The following ACTR8 variants were observed in gnomAD, a reference collection of about 807,000 sequenced individuals.
ACTR8 encodes the protein actin-related protein 8.
ACTR8 carries 70 observed loss-of-function variants against 84.3 expected under a neutral mutation model. That is an observed-to-expected ratio of 0.83 (90% CI 0.68 to 1.01). The LOEUF is 1.01. Ranked by LOEUF, ACTR8 falls within the 50% of genes least tolerant of loss-of-function variation. The pLI, the probability that ACTR8 is intolerant of heterozygous loss-of-function variation, is 0.00. For missense variants in ACTR8, 672 were observed against 775.4 expected (o/e 0.87, Z 1.58); for synonymous variants, 268 against 275.2 (o/e 0.97, Z 0.26).
In ACTR8 at chr3:53,875,946, A is replaced by G; in HGVS notation, c.911+2T>C. ...GGGAATGCCACCTTCCAAGTTCCTT[A>G]CCGAGTATTCCGATGAGACACCCCA... On this transcript the variant is annotated splice_donor_variant, in intron 7 of 12. Transcript: ENST00000335754. LOFTEE classifies it high-confidence loss of function. The G allele has an allele frequency of 6.2e-7, 1 of 1,614,216 alleles. No individual in the cohort carries two copies. Among genetic ancestry groups the G allele is most frequent in the Non-Finnish European group, 8.5e-7 (1 of 1,180,038 alleles).
rs988197029 is a variant in ACTR8 at position 53,878,215 on chromosome 3, T to A, written c.405+142A>T. 50 of 704,852 alleles carry A rather than the reference T, an allele frequency of 7.1e-5. 1 individual carries two copies. The highest frequency in any genetic ancestry group is 1.1e-4 in the Non-Finnish European group (44 of 413,494). 43.7% of individuals were successfully genotyped at this position (704,852 alleles called of 1,614,324 possible). On this transcript the variant is annotated intron_variant, in intron 3 of 12. Transcript: ENST00000335754. Reference sequence around the variant, plus strand: ...GCATTTGTAACACTGACTCGGGTATTCTTTAAGTGGTTATGAGGGGTTTTC... The same window carrying A: ...GCATTTGTAACACTGACTCGGGTATACTTTAAGTGGTTATGAGGGGTTTTC...
At chr3:53,873,736 G>C (rs781225900) in intron 8 of ACTR8, among the ~76,000 whole-genome samples, 3 of 152,136 alleles carry the variant, frequency 2.0e-5, no homozygotes, top group Non-Finnish European at 4.4e-5. Flanking sequence ...TCGGACTTTA[G>C]CAAAAAACTC....
downstream of ACTR8, among the ~76,000 whole-genome samples, chr3:53,862,146 A>T (rs563357246): frequency 6.6e-6 from 1 of 152,286 alleles, no homozygotes; most frequent in South Asian, 2.1e-4. Flanking sequence ...ACTGCCTTTT[A>T]AAGTTCTTTT....
chr3:53,865,198 C>T (rs771621947), downstream of ACTR8: 16 of 1,614,054 alleles, frequency 9.9e-6, no homozygotes, highest in Non-Finnish European at 1.2e-5. Context: ...CCCCAAGTAC[C>T]ACCTCATGAA....
Position 53,873,061 on chromosome 3 carries a change from G to A in ACTR8, c.1132C>T (p.Gln378Ter). ...RHPDSPALLY[Q>*]FRLGDEKLQA... ...AGTTTTTCATCTCCTAATCGAAACTGGTAAAGCAGGGCAGGAGAATCAGGA... is the reference window on the plus strand; with the variant it reads ...AGTTTTTCATCTCCTAATCGAAACTAGTAAAGCAGGGCAGGAGAATCAGGA... The change falls in exon 9 of 13, where the codon CAG (glutamine) becomes TAG (stop). Residue 378 changes from glutamine to a stop codon, truncating the protein, a stop_gained. Transcript: ENST00000335754. LOFTEE classifies it high-confidence loss of function. The A allele has an allele frequency of 6.2e-7, 1 of 1,611,464 alleles. No individual in the cohort carries two copies. The highest frequency in any genetic ancestry group is 8.5e-7 in the Non-Finnish European group (1 of 1,178,418).
the ACTR8 span, chr3:53,860,188 A>G: frequency 1.3e-5 from 21 of 1,613,866 alleles, no homozygotes; most frequent in Non-Finnish European, 1.6e-5. Flanking sequence ...TGGTGGCCAC[A>G]TGGGTGCTGG....
intron 1 of ACTR8, among the ~76,000 whole-genome samples, chr3:53,880,947 G>C (rs1700048641): frequency 6.6e-6 from 1 of 152,176 alleles, no homozygotes; most frequent in Admixed American, 6.5e-5. Context: ...TCCATGCCAT[G>C]CTCTGATACC....
intron 10 of ACTR8, 29 bp downstream of exon 10, chr3:53,872,355 T>C (rs946965278): frequency 6.5e-7 from 1 of 1,532,160 alleles, no homozygotes; most frequent in Non-Finnish European, 8.8e-7. Flanking sequence ...GACAAAACTC[T>C]CTCTTCTCCT....
At chr3:53,869,505 A>G (rs1023753454) in intron 12 of ACTR8, among the ~76,000 whole-genome samples, 1 of 152,260 alleles carries the variant, frequency 6.6e-6, no homozygotes, top group African/African-American at 2.4e-5. Flanking sequence ...AAAAAGAAAT[A>G]GGAACATTTC....
intron 4 of ACTR8, 40 bp downstream of exon 4, chr3:53,877,607 G>C (rs775000586): frequency 6.3e-7 from 1 of 1,577,570 alleles, no homozygotes; most frequent in East Asian, 2.2e-5. Context: ...AGGAGGATCA[G>C]CTTCCCCTTC....
intron 8 of ACTR8, 83 bp downstream of exon 8, chr3:53,874,128 C>T: frequency 6.9e-7 from 1 of 1,457,102 alleles, no homozygotes; most frequent in Non-Finnish European, 9.2e-7. Context: ...CCAGCCAATG[C>T]TGTTACATTT....
chr3:53,866,461 A>G (rs116804806), downstream of ACTR8, among the ~76,000 whole-genome samples: 1,546 of 152,296 alleles, frequency 0.01, 19 homozygotes, highest in African/African-American at 0.034. Flanking sequence ...TTACTCTTCT[A>G]AAAGCATCTT....
chr3:53,881,217 G>A (rs550247252), intron 1 of ACTR8, among the ~76,000 whole-genome samples: 2 of 152,330 alleles, frequency 1.3e-5, no homozygotes, highest in Admixed American at 1.3e-4. Context: ...TACCGGTAAG[G>A]AAGCTGGATC....
rs1486632787 is a variant in ACTR8 at position 53,882,132 on chromosome 3, C to G, written c.-31G>C. 2 of 1,549,846 alleles carry G rather than the reference C, an allele frequency of 1.3e-6. No individual in the cohort carries two copies. Among genetic ancestry groups the G allele is most frequent in the Non-Finnish European group, 1.7e-6 (2 of 1,145,882 alleles). On this transcript the variant is annotated 5_prime_UTR_variant, in exon 1 of 13. Coordinates refer to ENST00000335754, the MANE Select transcript of ACTR8 (RefSeq NM_022899.5). Reference sequence around the variant, plus strand: ...CCGGAGACACCCACCAACCTCTCGCCTCAGCGCTGCAGCCACGACTGCCGG... The same window carrying G: ...CCGGAGACACCCACCAACCTCTCGCGTCAGCGCTGCAGCCACGACTGCCGG...
In ACTR8 at chr3:53,870,095, C is replaced by T; in HGVS notation, c.1618G>A (p.Gly540Ser). Residue 540 changes from glycine to serine, a missense_variant, in exon 12 of 13, where the codon GGT becomes AGT. Transcript: ENST00000335754. The surrounding 1 kb of genome is among the most constrained non-coding windows in gnomAD (Gnocchi z 4.1). ...KMYSSILVVG[G>S]GLMFHKAQEF... is the part of the protein sequence containing the mutation. ...TGAGCTTTATGAAACATCAAACCACCTCCCACCACTAGGATGGAGCTGTAC... is the reference window on the plus strand; with the variant it reads ...TGAGCTTTATGAAACATCAAACCACTTCCCACCACTAGGATGGAGCTGTAC... The T allele has an allele frequency of 1.2e-6, 2 of 1,614,190 alleles. No individual in the cohort carries two copies. The highest frequency in any genetic ancestry group is 1.7e-6 in the Non-Finnish European group (2 of 1,180,030).
Position 53,867,133 on chromosome 3 carries a change from G to C in ACTR8, c.*1586C>G, listed in dbSNP as rs1452511226. The C allele has an allele frequency of 4.6e-5, 7 of 152,332 alleles. No homozygotes were observed. The East Asian group carries it at 9.6e-4, about 21-fold the overall frequency. The allele number at this position is 152,332 out of a possible 1,614,324, so 9.4% of individuals were successfully genotyped here. A position where few individuals can be genotyped will look rare whatever the true frequency, so the allele number is the denominator to read the frequency against. On this transcript the variant is annotated 3_prime_UTR_variant, in exon 13 of 13. Transcript: ENST00000335754. ...ACAGTGCTTGTAAGTGCTGGTAATA[G>C]AAGATGGACATGGTTTAGGTCAAAA...
At chr3:53,869,746 T>A (rs1241529556) in intron 12 of ACTR8, among the ~76,000 whole-genome samples, 1 of 152,108 alleles carries the variant, frequency 6.6e-6, no homozygotes, top group Non-Finnish European at 1.5e-5. Context: ...TTAACAAAGG[T>A]GGAATTCAGT....
At position 53,875,920 on chromosome 3, in the gene ACTR8, A is replaced by G; in HGVS notation, c.911+28T>C. 1.9e-6 allele frequency: 3 copies of G among 1,613,478 alleles called. No homozygotes were observed. In the South Asian group the frequency reaches 3.3e-5, roughly 18 times the overall value. ...AACAGATTATGAGGGAAGAGGAAAC[A>G]GGGAATGCCACCTTCCAAGTTCCTT... is the stretch of plus-strand genomic sequence containing the variant. On this transcript the variant is annotated intron_variant, in intron 7 of 12. Coordinates refer to ENST00000335754, the MANE Select transcript of ACTR8 (RefSeq NM_022899.5).
chr3:53,865,995 C>CTTAG (rs1699768376), downstream of ACTR8, among the ~76,000 whole-genome samples: 1 of 152,220 alleles, frequency 6.6e-6, no homozygotes, highest in African/African-American at 2.4e-5. Context: ...TTCTCAGTTT[C>CTTAG]TTAGTTACTA....
Sources: allele counts gnomAD v4.1 joint callset (sites outside exome capture counted in the v4.1 genomes callset), GRCh38; gene constraint gnomAD v4.1.1; non-coding constraint Gnocchi (gnomAD v3.1); transcripts MANE v1.5; gene names NCBI Gene and HGNC (gene_info 2026-07-23, HGNC 2026-07-21).